The following MEDAG variants were observed in gnomAD, a reference collection of about 807,000 sequenced individuals.
MEDAG encodes the protein mesenteric estrogen dependent adipogenesis.
MEDAG carries 25 observed loss-of-function variants against 29.9 expected under a neutral mutation model. That is an observed-to-expected ratio of 0.84 (90% CI 0.61 to 1.17). The LOEUF (loss-of-function observed/expected upper bound fraction) is 1.17, where lower values mean the gene tolerates loss of function less well. MEDAG is among the 50% of genes most tolerant of loss of function. The pLI is 0.00. For synonymous variants in MEDAG, 158 were observed against 148.2 expected (o/e 1.07, Z -0.48); for missense variants, 398 against 372.9 (o/e 1.07, Z -0.56).
intron 1 of MEDAG, among the ~76,000 whole-genome samples, chr13:30,911,211 A>G (rs1952879140): frequency 6.6e-6 from 1 of 152,154 alleles, no homozygotes; most frequent in South Asian, 2.1e-4. Context: ...TCTCTTAGCC[A>G]CTCATGGGGT....
At chr13:30,911,180 AG>A (rs1401370332) in intron 1 of MEDAG, among the ~76,000 whole-genome samples, 1 of 152,210 alleles carries the variant, frequency 6.6e-6, no homozygotes, top group African/African-American at 2.4e-5. Context: ...AGAAGCCAAG[AG>A]CTTTACACAC....
chr13:30,923,238 C>T (rs1953005971), intron 4 of MEDAG, among the ~76,000 whole-genome samples: 3 of 152,190 alleles, frequency 2.0e-5, no homozygotes, highest in Admixed American at 2.0e-4. Context: ...GTGTTTCTTT[C>T]TTCAAATGTT....
intron 2 of MEDAG, among the ~76,000 whole-genome samples, chr13:30,920,533 G>A (rs1418183690): frequency 6.6e-6 from 1 of 151,800 alleles, no homozygotes; most frequent in Non-Finnish European, 1.5e-5. Flanking sequence ...AGGCTGCAGT[G>A]AGCTTTGATT....
At chr13:30,911,638 C>T (rs776551354) in intron 1 of MEDAG, among the ~76,000 whole-genome samples, 5 of 152,162 alleles carry the variant, frequency 3.3e-5, no homozygotes, top group South Asian at 2.1e-4. Flanking sequence ...CTGACTTGCT[C>T]CCCTTGGCTT....
Position 30,906,322 on chromosome 13 carries a change from G to T in MEDAG, c.-194G>T. On this transcript the variant is annotated 5_prime_UTR_variant, in exon 1 of 5. Coordinates refer to ENST00000380482, the MANE Select transcript of MEDAG (RefSeq NM_032849.4). ...CTCCCAGCGAGTGGCAGCTTGGGAGGGGCCGCCCGGGCGGTCAGACTGGCA... is the reference window on the plus strand; with the variant it reads ...CTCCCAGCGAGTGGCAGCTTGGGAGTGGCCGCCCGGGCGGTCAGACTGGCA... 1 of 459,294 alleles carries T rather than the reference G, an allele frequency of 2.2e-6. No individual in the cohort carries two copies. The highest frequency in any genetic ancestry group is 3.6e-6 in the Non-Finnish European group (1 of 278,598). 28.5% of individuals were successfully genotyped at this position (459,294 alleles called of 1,614,324 possible).
intron 1 of MEDAG, among the ~76,000 whole-genome samples, chr13:30,913,555 G>A (rs1462711401): frequency 6.6e-6 from 1 of 152,014 alleles, no homozygotes; most frequent in Admixed American, 6.6e-5. Flanking sequence ...TTAATCTTTG[G>A]ATTGAAGCCA....
chr13:30,915,104 G>T (rs1292516508), intron 1 of MEDAG, among the ~76,000 whole-genome samples: 1 of 152,088 alleles, frequency 6.6e-6, no homozygotes, highest in East Asian at 1.9e-4. Flanking sequence ...AACCAGACTT[G>T]CCCTTTCCTT....
At chr13:30,920,788 C>T (rs1282122154) in intron 2 of MEDAG, among the ~76,000 whole-genome samples, 3 of 152,122 alleles carry the variant, frequency 2.0e-5, no homozygotes, top group Admixed American at 6.5e-5. Flanking sequence ...ATTATCTAGC[C>T]TGCCTTTACA....
intron 1 of MEDAG, among the ~76,000 whole-genome samples, chr13:30,913,144 A>G (rs1200441606): frequency 6.6e-6 from 1 of 152,100 alleles, no homozygotes; most frequent in African/African-American, 2.4e-5. Context: ...CTTGAATTAG[A>G]TCTTATTTTG....
In MEDAG at chr13:30,921,816, T is replaced by A. The variant is rs372086987; in HGVS notation, c.757T>A (p.Ser253Thr). The A allele has an allele frequency of 8.1e-6, 13 of 1,610,056 alleles. No individual in the cohort carries two copies. The highest frequency in any genetic ancestry group is 1.0e-5 in the Non-Finnish European group (12 of 1,178,744). ...GCCTTTAATCCGAAGGAGCAGTTTC[T>A]CTGACCGAAAGTTCAGTGTAACTTC... is the stretch of plus-strand genomic sequence containing the variant. ...SEPLIRRSSF[S>T]DRKFSVTSRG... Residue 253 changes from serine to threonine, a missense_variant, in exon 4 of 5, where the codon TCT becomes ACT. Coordinates refer to ENST00000380482, the MANE Select transcript of MEDAG (RefSeq NM_032849.4).
intron 1 of MEDAG, among the ~76,000 whole-genome samples, chr13:30,911,768 C>T (rs1566125844): frequency 6.6e-6 from 1 of 152,130 alleles, no homozygotes; most frequent in African/African-American, 2.4e-5. Flanking sequence ...TAGCAGGGAC[C>T]ATGTCTTAGA....
chr13:30,917,005 A>T (rs1952935646), intron 1 of MEDAG, among the ~76,000 whole-genome samples: 1 of 152,240 alleles, frequency 6.6e-6, no homozygotes, highest in African/African-American at 2.4e-5. Context: ...AAGACCCACA[A>T]GTTAAACAGG....
At position 30,917,089 on chromosome 13, in the gene MEDAG, G is replaced by T. The variant is rs903270293; in HGVS notation, c.279-314G>T. Among the ~76,000 whole-genome samples the T allele has an allele frequency of 1.1e-4, 16 of 152,158 alleles. 1 individual carries two copies. The highest frequency in any genetic ancestry group is 4.4e-5 in the Non-Finnish European group (3 of 68,026). ...CATTATCAATTCAGAGGGACTTAGA[G>T]CTCTTATAGCTTCAAATGAACGCTT... On this transcript the variant is annotated intron_variant, in intron 1 of 4. Coordinates refer to ENST00000380482, the MANE Select transcript of MEDAG (RefSeq NM_032849.4).
In MEDAG at chr13:30,924,546, CCGG is replaced by C; in HGVS notation, c.*113_*115del. On this transcript the variant is annotated 3_prime_UTR_variant, in exon 5 of 5. Transcript: ENST00000380482. ...GATACTTCCACCTGCGTGTCAATCT[CCGG>C]CTCCTCCATGGCTTCTATGGAGGAC... 8.6e-7 allele frequency: 1 copy of C among 1,159,624 alleles called. No homozygotes were observed. The highest frequency in any genetic ancestry group is 2.3e-5 in the Admixed American group (1 of 42,922). The allele number at this position is 1,159,624 out of a possible 1,614,324, so 71.8% of individuals were successfully genotyped here. A position where few individuals can be genotyped will look rare whatever the true frequency, so the allele number is the denominator to read the frequency against.
chr13:30,921,245 C>G (rs1469936355), intron 3 of MEDAG, 119 bp downstream of exon 3: 1 of 810,956 alleles, frequency 1.2e-6, no homozygotes, highest in Non-Finnish European at 1.9e-6. Flanking sequence ...CCTTAGAAAA[C>G]AAAGTGCATT....
rs905957441 is a variant in MEDAG, at chr13:30,925,089, C to T, written c.*654C>T. ...TGCCTGAAATCGGAACTCCCTTGGCCTCCCTCTTAACTAAGTGACCCATGT... is the reference window on the plus strand; with the variant it reads ...TGCCTGAAATCGGAACTCCCTTGGCTTCCCTCTTAACTAAGTGACCCATGT... On this transcript the variant is annotated 3_prime_UTR_variant, in exon 5 of 5. Transcript: ENST00000380482. 1 of 152,148 alleles carries T rather than the reference C, an allele frequency of 6.6e-6. No individual in the cohort carries two copies. The highest frequency in any genetic ancestry group is 1.5e-5 in the Non-Finnish European group (1 of 68,028). 9.4% of individuals were successfully genotyped at this position (152,148 alleles called of 1,614,324 possible). A position where few individuals can be genotyped will look rare whatever the true frequency, so the allele number is the denominator to read the frequency against.
At position 30,906,469 on chromosome 13, in the gene MEDAG, G is replaced by C. The variant is rs1226278479; in HGVS notation, c.-47G>C. On this transcript the variant is annotated 5_prime_UTR_variant, in exon 1 of 5. Transcript: ENST00000380482. The stretch of plus-strand genomic sequence containing the variant: ...GACCATCAGGTGCCGGCTGGGGGCT[G>C]TAGGCACCGGACGGAAGCAGGCGGT... 7.0e-7 allele frequency: 1 copy of C among 1,428,560 alleles called. No homozygotes were observed. The highest frequency in any genetic ancestry group is 9.1e-7 in the Non-Finnish European group (1 of 1,097,178). 88.5% of individuals were successfully genotyped at this position (1,428,560 alleles called of 1,614,324 possible). A position where few individuals can be genotyped will look rare whatever the true frequency, so the allele number is the denominator to read the frequency against.
At chr13:30,917,969 G>T (rs144784109) in intron 2 of MEDAG, among the ~76,000 whole-genome samples, 1 of 152,172 alleles carries the variant, frequency 6.6e-6, no homozygotes, top group South Asian at 2.1e-4. Context: ...GGACTGATGA[G>T]CAGGGCAGAA....
At chr13:30,921,428 T>C (rs1230265481) in intron 3 of MEDAG, 133 bp from the exon 4 acceptor site, 2 of 902,886 alleles carry the variant, frequency 2.2e-6, no homozygotes, top group African/African-American at 1.7e-5. Flanking sequence ...AAGACAACAG[T>C]TTAAAAATAT....
Sources: allele counts gnomAD v4.1 joint callset (sites outside exome capture counted in the v4.1 genomes callset), GRCh38; gene constraint gnomAD v4.1.1; transcripts MANE v1.5; gene names NCBI Gene and HGNC (gene_info 2026-07-23, HGNC 2026-07-21).